The following GATAD1 variants were observed in gnomAD, a reference collection of about 807,000 sequenced individuals.
GATAD1 encodes the protein GATA zinc finger domain containing 1, also known as GATA zinc finger domain-containing protein 1.
GATAD1 carries 12 observed loss-of-function variants against 26.5 expected under a neutral mutation model. That is an observed-to-expected ratio of 0.45 (90% confidence interval 0.29 to 0.73). The LOEUF is 0.73. Among genes scored for constraint, GATAD1 ranks in the 30% least tolerant of loss-of-function variants. The pLI, the probability that GATAD1 is intolerant of heterozygous loss-of-function variation, is 0.10. For missense variants in GATAD1, 266 were observed against 342.1 expected (o/e 0.78, Z 1.75); for synonymous variants, 129 against 133.1 (o/e 0.97, Z 0.21).
At chr7:92,477,315 T>G in the GATAD1 span, 5 of 152,282 alleles carry the variant, frequency 3.3e-5, no homozygotes, top group African/African-American at 1.2e-4. Flanking sequence ...AAGTGCCCGG[T>G]ATTTTCCTCC....
In GATAD1 at chr7:92,447,635, A is replaced by G; in HGVS notation, c.-95A>G. ...TGCCGACGCTCTCACCGCTCTTCCT[A>G]TCGCCGGGAGTGGCGGGCCGACCAG... is the stretch of plus-strand genomic sequence containing the variant. On this transcript the variant is annotated 5_prime_UTR_variant, in exon 1 of 5. Transcript: ENST00000287957. The G allele has an allele frequency of 7.6e-7, 1 of 1,311,590 alleles. No individual in the cohort carries two copies. 81.2% of individuals were successfully genotyped at this position (1,311,590 alleles called of 1,614,324 possible). A position where few individuals can be genotyped will look rare whatever the true frequency, so the allele number is the denominator to read the frequency against.
At chr7:92,490,158 T>G in the GATAD1 span, 3 of 517,298 alleles carry the variant, frequency 5.8e-6, no homozygotes, top group African/African-American at 5.8e-5. Context: ...TTTTTTTAAC[T>G]TTGTTGCTTA....
the GATAD1 span, chr7:92,492,885 G>T: frequency 1.6e-6 from 2 of 1,241,824 alleles, no homozygotes; most frequent in Non-Finnish European, 1.2e-6. Context: ...TTTTTAAGGT[G>T]GAAATTTTGA....
Position 92,447,573 on chromosome 7 carries a change from C to A in GATAD1, c.-157C>A. On this transcript the variant is annotated 5_prime_UTR_variant, in exon 1 of 5. Coordinates refer to ENST00000287957, the MANE Select transcript of GATAD1 (RefSeq NM_021167.5). ...GAACCCGCTTCCCGCCTCCACGGGG[C>A]AGCGCCAGCGGCCTGGTCCTTTCAC... The A allele has an allele frequency of 1.0e-6, 1 of 996,162 alleles. No homozygotes were observed. Among genetic ancestry groups the A allele is most frequent in the East Asian group, 3.6e-5 (1 of 27,680 alleles). The allele number at this position is 996,162 out of a possible 1,614,324, so 61.7% of individuals were successfully genotyped here.
chr7:92,450,780 C>A lies in GATAD1; in HGVS notation c.435+20C>A, dbSNP rs774767272. 5.8e-6 allele frequency: 9 copies of A among 1,539,254 alleles called. No individual in the cohort carries two copies. The highest frequency in any genetic ancestry group is 8.1e-6 in the Non-Finnish European group (9 of 1,111,952). ...TACAAGGTAAGCTTTTGTAGAGTTA[C>A]TGAAGGAAGAGTTGGGCCTAGTGGG... On this transcript the variant is annotated intron_variant, in intron 3 of 4. Coordinates refer to ENST00000287957, the MANE Select transcript of GATAD1 (RefSeq NM_021167.5).
the GATAD1 span, chr7:92,493,237 A>T: frequency 1.5e-6 from 1 of 645,464 alleles, no homozygotes; most frequent in Non-Finnish European, 2.6e-6. Flanking sequence ...ATATCTAAAA[A>T]GCTTTATAAG....
the GATAD1 span, among the ~76,000 whole-genome samples, chr7:92,478,452 G>T: frequency 6.6e-6 from 1 of 152,140 alleles, no homozygotes; most frequent in African/African-American, 2.4e-5. Flanking sequence ...TGTTACAATC[G>T]AAATGGGCTG....
chr7:92,463,432 A>ATGAGGTCAGGAGAT (rs1170415016), downstream of GATAD1, among the ~76,000 whole-genome samples: 1 of 152,102 alleles, frequency 6.6e-6, no homozygotes, highest in African/African-American at 2.4e-5. Flanking sequence ...CAGGCGGATC[A>ATGAGGTCAGGAGAT]TGAGGTCAGG....
chr7:92,489,732 T>C, the GATAD1 span: 1 of 1,614,146 alleles, frequency 6.2e-7, no homozygotes, highest in East Asian at 2.2e-5. Context: ...GGCTCCGGTA[T>C]CTGCCTTTGA....
At position 92,447,971 on chromosome 7, in the gene GATAD1, G is replaced by A. The variant is rs1316022302; in HGVS notation, c.242G>A (p.Gly81Asp). The A allele has an allele frequency of 1.6e-6, 2 of 1,221,904 alleles. No homozygotes were observed. Among genetic ancestry groups the A allele is most frequent in the Non-Finnish European group, 2.0e-6 (2 of 982,582 alleles). The allele number at this position is 1,221,904 out of a possible 1,614,324, so 75.7% of individuals were successfully genotyped here. ...TPPQSNGGGG[G>D]KQSKQEIHRR... The stretch of plus-strand genomic sequence containing the variant: ...CCGCAGAGCAACGGGGGCGGGGGCG[G>A]CAAGCAGGTGAGCTCCTCCGGCCCC... Residue 81 changes from glycine to aspartate, a missense_variant, in exon 1 of 5, where the codon GGC (glycine) becomes GAC (aspartate). Coordinates refer to ENST00000287957, the MANE Select transcript of GATAD1 (RefSeq NM_021167.5).
chr7:92,486,833 T>A, the GATAD1 span, among the ~76,000 whole-genome samples: 1 of 152,216 alleles, frequency 6.6e-6, no homozygotes, highest in African/African-American at 2.4e-5. Context: ...AGTTCATATA[T>A]GAGAGAATAT....
chr7:92,450,429 G>T, intron 2 of GATAD1: 1 of 424,508 alleles, frequency 2.4e-6, no homozygotes, highest in Non-Finnish European at 4.2e-6. Flanking sequence ...GTGTAGTGAA[G>T]CTCTGAGAGG....
At chr7:92,482,795 A>G in the GATAD1 span, among the ~76,000 whole-genome samples, 2 of 152,236 alleles carry the variant, frequency 1.3e-5, no homozygotes, top group Admixed American at 1.3e-4. Context: ...ATAACTGAAA[A>G]AGAGTGCATA....
chr7:92,488,729 ATTT>A, the GATAD1 span, among the ~76,000 whole-genome samples: 1 of 142,526 alleles, frequency 7.0e-6, no homozygotes. Context: ...AAGTTACTAA[ATTT>A]TTTTTTTTTT....
chr7:92,490,696 T>C, the GATAD1 span, among the ~76,000 whole-genome samples: 2 of 143,200 alleles, frequency 1.4e-5, no homozygotes, highest in East Asian at 2.1e-4. Flanking sequence ...AGGAAACATA[T>C]AGATAACCAA....
At chr7:92,493,531 C>T in the GATAD1 span, 10 of 157,952 alleles carry the variant, frequency 6.3e-5, no homozygotes, top group Admixed American at 3.2e-4. Context: ...CCCAGCTACT[C>T]GGGAGGCTGA....
At chr7:92,465,662 T>C in the GATAD1 span, among the ~76,000 whole-genome samples, 1 of 152,038 alleles carries the variant, frequency 6.6e-6, no homozygotes, top group African/African-American at 2.4e-5. Flanking sequence ...GTGTTGTTTA[T>C]TAAACATGAC....
At chr7:92,456,282 T>C in intron 4 of GATAD1, 90 bp from the exon 5 acceptor site, 1 of 732,042 alleles carries the variant, frequency 1.4e-6, no homozygotes, top group Admixed American at 2.8e-5. Flanking sequence ...CCCAGAGTGG[T>C]CTCTCCCAGT....
the GATAD1 span, among the ~76,000 whole-genome samples, chr7:92,480,671 G>A: frequency 2.0e-5 from 3 of 152,158 alleles, no homozygotes; most frequent in Non-Finnish European, 4.4e-5. Flanking sequence ...AGTTTCAATG[G>A]GGGAGTAGGT....
Sources: allele counts gnomAD v4.1 joint callset (sites outside exome capture counted in the v4.1 genomes callset), GRCh38; gene constraint gnomAD v4.1.1; transcripts MANE v1.5; gene names NCBI Gene and HGNC (gene_info 2026-07-23, HGNC 2026-07-21).